The following VCAN variants were observed in gnomAD, a reference collection of about 807,000 sequenced individuals.
VCAN encodes versican core protein.
Under a neutral mutation model 245.5 loss-of-function variants are expected in VCAN, and 44 were observed. The observed-to-expected ratio is 0.18, with a 90% confidence interval of 0.14 to 0.23. The LOEUF (loss-of-function observed/expected upper bound fraction) is 0.23. VCAN is among the 10% of genes least tolerant of loss of function. The probability of loss-of-function intolerance (pLI) is 1.00; values close to 1 mark genes in which losing one functional copy is unlikely to be tolerated. For missense variants in VCAN, 3,793 were observed against 4,057.9 expected, an observed-to-expected ratio of 0.93 and a Z score of 1.77; for synonymous variants, 1,413 against 1,437.0, an observed-to-expected ratio of 0.98 and a Z score of 0.38.
At chr5:83,543,616 C>T (rs1335839830) in intron 8 of VCAN, among the ~76,000 whole-genome samples, 1 of 151,966 alleles carries the variant, frequency 6.6e-6, no homozygotes, top group African/African-American at 2.4e-5. Context: ...AAATGATAAT[C>T]TAGTAATTTG....
intron 7 of VCAN, among the ~76,000 whole-genome samples, chr5:83,527,445 G>A (rs576863186): frequency 3.9e-5 from 6 of 152,210 alleles, no homozygotes; most frequent in Admixed American, 2.6e-4. Context: ...CATCTCTCAC[G>A]GACTGTCCCA....
At chr5:83,488,709 C>T (rs1377919201) in intron 2 of VCAN, among the ~76,000 whole-genome samples, 1 of 152,002 alleles carries the variant, frequency 6.6e-6, no homozygotes, top group Non-Finnish European at 1.5e-5. Flanking sequence ...CATTAAGTGC[C>T]TTAAGTCTGC....
rs902578024 is a variant in VCAN, at chr5:83,537,188, G to A, written c.4185G>A (p.Glu1395=). 1 of 1,613,666 alleles carries A rather than the reference G, an allele frequency of 6.2e-7. No homozygotes were observed. Among genetic ancestry groups the A allele is most frequent in the Admixed American group, 1.7e-5 (1 of 59,894 alleles). Residue 1395 remains glutamate (E), a synonymous_variant, in exon 8 of 15, where the codon GAG becomes GAA. Transcript: ENST00000265077. ...AAGAAAATGAAGAAGAAGAAGAAGA[G>A]TGTGCAAATGCTACTGATGTGACAA... The part of the protein sequence containing the change: ...HSEENEEEEE[E]CANATDVTTT...
At position 83,541,833 on chromosome 5, in the gene VCAN, G is replaced by A. The variant is rs1468011876; in HGVS notation, c.8830G>A (p.Ala2944Thr). The A allele has an allele frequency of 1.2e-6, 2 of 1,613,964 alleles. No homozygotes were observed. Among genetic ancestry groups the A allele is most frequent in the Non-Finnish European group, 1.7e-6 (2 of 1,180,008 alleles). Residue 2944 changes from alanine (A) to threonine (T), a missense_variant, in exon 8 of 15, where the codon GCA becomes ACA. Around this residue, in one of 5 missense-constraint regions of VCAN, gnomAD observed 3,182 missense variants for 3,250.3 expected, o/e 0.98. Transcript: ENST00000265077. ...AACCGATGGTCAAGTTTCTGGAGAA[G>A]CAATCAAGATGTTTCCCACCATTAA... ...NKTDGQVSGE[A>T]IKMFPTIKTP...
chr5:83,568,612 A>G (rs1748171156), intron 12 of VCAN, among the ~76,000 whole-genome samples: 1 of 152,154 alleles, frequency 6.6e-6, no homozygotes, highest in South Asian at 2.1e-4. Context: ...TGTCAGCTGC[A>G]AAATATAGGG....
chr5:83,511,257 A>C (rs1402910106), intron 5 of VCAN, among the ~76,000 whole-genome samples: 1 of 151,884 alleles, frequency 6.6e-6, no homozygotes, highest in East Asian at 1.9e-4. Context: ...TTCTCCTAAA[A>C]AAAAAAGAAG....
Position 83,522,416 on chromosome 5 carries a change from A to C in VCAN, c.4003+107A>C. ...ATACCAAATGCTGCTATTAGAAGAT[A>C]ACTGGAGTGTGAAAAATAAATGTTT... On this transcript the variant is annotated intron_variant, in intron 7 of 14. Transcript: ENST00000265077. The C allele has an allele frequency of 7.7e-6, 9 of 1,175,222 alleles. No individual in the cohort carries two copies. In the South Asian group the frequency reaches 1.2e-4, roughly 16 times the overall value. 72.8% of individuals were successfully genotyped at this position (1,175,222 alleles called of 1,614,324 possible).
intron 1 of VCAN, among the ~76,000 whole-genome samples, chr5:83,479,252 C>T (rs886836877): frequency 2.1e-4 from 32 of 152,116 alleles, no homozygotes; most frequent in Middle Eastern, 3.4e-3. Flanking sequence ...ACAAAACCAC[C>T]GTGTCTCTGT....
chr5:83,524,411 C>G (rs1746212931), intron 7 of VCAN, among the ~76,000 whole-genome samples: 1 of 152,068 alleles, frequency 6.6e-6, no homozygotes, highest in South Asian at 2.1e-4. Flanking sequence ...CCGTGCAATA[C>G]TTGGTTACTT....
rs1580046633 is a variant in VCAN at position 83,539,799 on chromosome 5, C to T, written c.6796C>T (p.Leu2266=). ...LGSGEEVLPT[L]PTESVNFTEV... ...ATCAGGAGAAGAAGTTTTACCTACTCTACCAACAGAGTCAGTGAATTTTAC... is the reference window on the plus strand; with the variant it reads ...ATCAGGAGAAGAAGTTTTACCTACTTTACCAACAGAGTCAGTGAATTTTAC... Residue 2266 remains leucine, a synonymous_variant, in exon 8 of 15, where the codon CTA becomes TTA. Transcript: ENST00000265077. 3.7e-6 allele frequency: 6 copies of T among 1,614,012 alleles called. No individual in the cohort carries two copies. Among genetic ancestry groups the T allele is most frequent in the Non-Finnish European group, 5.1e-6 (6 of 1,179,988 alleles).
intron 12 of VCAN, among the ~76,000 whole-genome samples, chr5:83,565,969 T>C (rs926864335): frequency 6.6e-6 from 1 of 151,264 alleles, no homozygotes; most frequent in Non-Finnish European, 1.5e-5. Flanking sequence ...CTTTTTTTTT[T>C]CTTTTTTTTT....
At chr5:83,542,931 T>A (rs1429537320) in intron 8 of VCAN, among the ~76,000 whole-genome samples, 2 of 152,162 alleles carry the variant, frequency 1.3e-5, no homozygotes, top group Non-Finnish European at 2.9e-5. Flanking sequence ...TTGATACTGA[T>A]TCATATAAGC....
intron 2 of VCAN, among the ~76,000 whole-genome samples, chr5:83,487,046 T>C (rs1283870197): frequency 6.6e-6 from 1 of 152,220 alleles, no homozygotes; most frequent in Admixed American, 6.5e-5. Flanking sequence ...AACTATTTCC[T>C]TTAACAATAC....
intron 7 of VCAN, among the ~76,000 whole-genome samples, chr5:83,534,538 C>A (rs1309536519): frequency 6.6e-6 from 1 of 151,842 alleles, no homozygotes; most frequent in East Asian, 1.9e-4. Flanking sequence ...ATTTAGTGTA[C>A]CTTTGTCTAA....
Position 83,580,602 on chromosome 5 carries a change from C to A in VCAN, c.*168C>A. ...AAAACATTTTAAATGAAAGTATTGG[C>A]ATTCAAAAAGACAGCAGACAAAATG... On this transcript the variant is annotated 3_prime_UTR_variant, in exon 15 of 15. Transcript: ENST00000265077. 1.0e-6 allele frequency: 1 copy of A among 976,226 alleles called. No individual in the cohort carries two copies. Among genetic ancestry groups the A allele is most frequent in the South Asian group, 1.4e-5 (1 of 69,164 alleles). The allele number at this position is 976,226 out of a possible 1,614,324, so 60.5% of individuals were successfully genotyped here.
In VCAN at chr5:83,521,224, T is replaced by C. The variant is rs755631617; in HGVS notation, c.2918T>C (p.Ile973Thr). ...ACTTATGTAGACTCTTCCCATACCA[T>C]TCCTCTTTCTGTAATTCCCAAGACA... ...PTTYVDSSHT[I>T]PLSVIPKTDW... The change falls in exon 7 of 15, where the codon ATT becomes ACT. Residue 973 changes from isoleucine (I) to threonine (T), a missense_variant. Ile to Thr is a moderately conservative substitution (Grantham distance 89, BLOSUM62 -1). Coordinates refer to ENST00000265077, the MANE Select transcript of VCAN (RefSeq NM_004385.5). 7 of 1,613,918 alleles carry C rather than the reference T, an allele frequency of 4.3e-6. No homozygotes were observed. The Admixed American group carries it at 6.7e-5, about 15-fold the overall frequency.
intron 1 of VCAN, among the ~76,000 whole-genome samples, chr5:83,479,907 G>C (rs1381817090): frequency 6.6e-6 from 1 of 152,062 alleles, no homozygotes; most frequent in African/African-American, 2.4e-5. Flanking sequence ...GCAAACTTAG[G>C]TGACTACAGG....
At chr5:83,512,053 AG>A in intron 5 of VCAN, 49 bp from the exon 6 acceptor site, 1 of 1,610,358 alleles carries the variant, frequency 6.2e-7, no homozygotes, top group South Asian at 1.1e-5. Context: ...CCAACAGGAA[AG>A]GAATGAATAA....
intron 12 of VCAN, among the ~76,000 whole-genome samples, chr5:83,571,954 G>A (rs918160332): frequency 6.6e-6 from 1 of 152,142 alleles, no homozygotes; most frequent in Non-Finnish European, 1.5e-5. Flanking sequence ...TTACTTTATA[G>A]TAGTACAGAT....
Sources: gnomAD v4.1 joint callset for allele counts (sites outside exome capture counted in the v4.1 genomes callset) on GRCh38, gnomAD v4.1.1 for gene constraint, gnomAD v4.1.1 regional missense constraint, MANE v1.5 for transcripts, NCBI Gene and HGNC (gene_info 2026-07-23, HGNC 2026-07-21) for gene names.